GLYATL3: variants seen among roughly 807,000 people sequenced by gnomAD.
GLYATL3 encodes glycine N-acyltransferase-like protein 3.
GLYATL3 carries 31 observed loss-of-function variants against 28.5 expected under a neutral mutation model. That is an observed-to-expected ratio of 1.09 (90% CI 0.82 to 1.47). GLYATL3 has a LOEUF of 1.47. Among genes scored for constraint, GLYATL3 ranks in the 40% most tolerant of loss-of-function variants. The pLI, the probability that GLYATL3 is intolerant of heterozygous loss-of-function variation, is 0.00. For missense variants in GLYATL3, 369 were observed against 351.5 expected, an observed-to-expected ratio of 1.05 and a Z score of -0.40; for synonymous variants, 141 against 140.2, an observed-to-expected ratio of 1.01 and a Z score of -0.04.
At chr6:49,508,221 G>A (rs1466153086) in intron 1 of GLYATL3, among the ~76,000 whole-genome samples, 10 of 151,932 alleles carry the variant, frequency 6.6e-5, no homozygotes, top group African/African-American at 1.5e-4. Flanking sequence ...GCGTGAACCC[G>A]GGAGGCAGAG....
chr6:49,500,107 G>A (rs1483290819), intron 1 of GLYATL3, 65 bp downstream of exon 1: 2 of 152,140 alleles, frequency 1.3e-5, no homozygotes, highest in African/African-American at 2.4e-5. Flanking sequence ...AAAGGGATGG[G>A]AAAAATAGAG....
intron 1 of GLYATL3, among the ~76,000 whole-genome samples, chr6:49,510,425 C>T (rs757275423): frequency 2.6e-5 from 4 of 152,128 alleles, no homozygotes; most frequent in African/African-American, 7.2e-5. Flanking sequence ...TGTTCTAATT[C>T]GTACTCTTTT....
chr6:49,502,704 AGATT>A (rs764775279), intron 1 of GLYATL3, among the ~76,000 whole-genome samples: 2 of 152,262 alleles, frequency 1.3e-5, no homozygotes, highest in Non-Finnish European at 2.9e-5. Flanking sequence ...CAGTTTGAAT[AGATT>A]GATGTAATGC....
chr6:49,501,954 C>T (rs1561974719), intron 1 of GLYATL3, among the ~76,000 whole-genome samples: 1 of 152,214 alleles, frequency 6.6e-6, no homozygotes. Context: ...CCTGAATGCA[C>T]ATCCATTCAT....
At chr6:49,511,161 A>AT (rs1232910635) in intron 1 of GLYATL3, among the ~76,000 whole-genome samples, 2 of 151,902 alleles carry the variant, frequency 1.3e-5, no homozygotes, top group South Asian at 2.1e-4. Flanking sequence ...TGTAGGAAAT[A>AT]TTTTTTTTCT....
At chr6:49,511,122 T>A (rs1411436677) in intron 1 of GLYATL3, among the ~76,000 whole-genome samples, 1 of 152,212 alleles carries the variant, frequency 6.6e-6, no homozygotes, top group African/African-American at 2.4e-5. Flanking sequence ...GTCTGCCAGA[T>A]GTAAGTTGAT....
chr6:49,506,898 T>C (rs1463611329), intron 1 of GLYATL3, among the ~76,000 whole-genome samples: 1 of 151,946 alleles, frequency 6.6e-6, no homozygotes, highest in African/African-American at 2.4e-5. Context: ...TCTAAGCCTC[T>C]GAAAGAAGGG....
chr6:49,526,299 G>A (rs2127241679), intron 5 of GLYATL3, among the ~76,000 whole-genome samples, 189 bp from the exon 6 acceptor site: 1 of 152,214 alleles, frequency 6.6e-6, no homozygotes, highest in Admixed American at 6.5e-5. Flanking sequence ...TGTAATCCCA[G>A]CTACTTGGGA....
chr6:49,513,439 T>C (rs934662869), intron 2 of GLYATL3, among the ~76,000 whole-genome samples: 6 of 152,332 alleles, frequency 3.9e-5, no homozygotes, highest in African/African-American at 1.4e-4. Flanking sequence ...AAATAAGTTA[T>C]GTTTTTTCTT....
At position 49,526,543 on chromosome 6, in the gene GLYATL3, A is replaced by G. The variant is rs1157024438; in HGVS notation, c.496A>G (p.Asn166Asp). The G allele has an allele frequency of 4.8e-5, 74 of 1,551,654 alleles. No individual in the cohort carries two copies. The highest frequency in any genetic ancestry group is 5.8e-5 in the Non-Finnish European group (66 of 1,146,998). The change falls in exon 6 of 6, where the codon AAC (asparagine) becomes GAC (aspartate). Residue 166 changes from asparagine (N) to aspartate (D), a missense_variant. Physicochemically the swap from Asn to Asp is conservative, Grantham distance 23. Transcript: ENST00000371197. Reference sequence around the variant, plus strand: ...GAGTGTTGCCAATGCGGATCTACTCAACCGGACTTGGTCCCGGGGAGGCAA... The same window carrying G: ...GAGTGTTGCCAATGCGGATCTACTCGACCGGACTTGGTCCCGGGGAGGCAA... ...YLSVANADLL[N>D]RTWSRGGNEQ...
chr6:49,509,299 G>A (rs1348272213), intron 1 of GLYATL3, among the ~76,000 whole-genome samples: 1 of 152,262 alleles, frequency 6.6e-6, no homozygotes, highest in African/African-American at 2.4e-5. Flanking sequence ...TCAGCCTCTG[G>A]TTATGGTATT....
intron 1 of GLYATL3, among the ~76,000 whole-genome samples, chr6:49,510,261 C>T (rs911487037): frequency 2.0e-5 from 3 of 151,930 alleles, no homozygotes; most frequent in African/African-American, 7.3e-5. Flanking sequence ...AGGCTGGTCT[C>T]GAACTCCTGA....
At chr6:49,512,180 A>C (rs1030006135) in intron 2 of GLYATL3, 112 bp downstream of exon 2, 30 of 503,514 alleles carry the variant, frequency 6.0e-5, no homozygotes, top group African/African-American at 3.9e-4. Context: ...CTCTAGGAGC[A>C]CTTGTTAAAC....
At chr6:49,505,213 T>C (rs1328682943) in intron 1 of GLYATL3, among the ~76,000 whole-genome samples, 1 of 152,094 alleles carries the variant, frequency 6.6e-6, no homozygotes, top group Non-Finnish European at 1.5e-5. Context: ...AGAACGAATG[T>C]GAGTGATGAA....
At chr6:49,512,206 T>A (rs1279239647) in intron 2 of GLYATL3, 138 bp downstream of exon 2, 2 of 443,578 alleles carry the variant, frequency 4.5e-6, no homozygotes, top group Non-Finnish European at 7.9e-6. Context: ...GCTTCCCAGC[T>A]CCCTCCTGCT....
At position 49,515,732 on chromosome 6, in the gene GLYATL3, A is replaced by C. The variant is rs1230912766; in HGVS notation, c.158A>C (p.Lys53Thr). ...EVVLDSWPDF[K>T]AVITRRQREA... is the part of the protein sequence containing the mutation. ...GTGTTGGATTCATGGCCGGATTTCA[A>C]AGCTGTTATCACCCGACGACAAAGA... The change falls in exon 3 of 6, where the codon AAA (lysine) becomes ACA (threonine). Residue 53 changes from lysine to threonine, a missense_variant. Lys to Thr is a moderately conservative substitution (Grantham distance 78). Coordinates refer to ENST00000371197, the MANE Select transcript of GLYATL3 (RefSeq NM_001010904.2). 1.8e-5 allele frequency: 28 copies of C among 1,550,124 alleles called. No homozygotes were observed. Among genetic ancestry groups the C allele is most frequent in the Non-Finnish European group, 2.4e-5 (28 of 1,145,380 alleles).
In GLYATL3 at chr6:49,526,840, G is replaced by T. The variant is rs1295481099; in HGVS notation, c.793G>T (p.Ala265Ser). The T allele has an allele frequency of 4.5e-6, 7 of 1,552,126 alleles. No homozygotes were observed. Among genetic ancestry groups the T allele is most frequent in the Non-Finnish European group, 6.1e-6 (7 of 1,147,046 alleles). The change falls in exon 6 of 6, where the codon GCT (alanine) becomes TCT (serine). Residue 265 changes from alanine (A) to serine (S), a missense_variant. Transcript: ENST00000371197. ...ASISLLKSLH[A>S]EFLPCRFHRL... ...TATAAGCCTCCTGAAGAGTCTCCAT[G>T]CTGAGTTCTTGCCTTGTCGCTTCCA...
chr6:49,506,131 A>T (rs1162615111), intron 1 of GLYATL3, among the ~76,000 whole-genome samples: 1 of 152,212 alleles, frequency 6.6e-6, no homozygotes, highest in Non-Finnish European at 1.5e-5. Context: ...GTCAGTACAA[A>T]GTTGGACTTT....
intron 1 of GLYATL3, among the ~76,000 whole-genome samples, chr6:49,507,196 A>AGC (rs1380107914): frequency 1.3e-5 from 2 of 152,094 alleles, no homozygotes; most frequent in African/African-American, 2.4e-5. Flanking sequence ...AGGTAAAGGG[A>AGC]GCAGTTCATC....
Sources: gnomAD v4.1 joint callset for allele counts (sites outside exome capture counted in the v4.1 genomes callset) on GRCh38, gnomAD v4.1.1 for gene constraint, MANE v1.5 for transcripts, NCBI Gene and HGNC (gene_info 2026-07-23, HGNC 2026-07-21) for gene names.